RARB: variants seen among roughly 807,000 people sequenced by gnomAD.
The protein encoded by RARB is retinoic acid receptor beta.
A neutral mutation model predicts 51.9 loss-of-function variants in RARB; 17 were observed. The ratio of observed to expected loss-of-function variants is 0.33; its 90% CI spans 0.22 to 0.49. The LOEUF (loss-of-function observed/expected upper bound fraction) is 0.49. Among genes scored for constraint, RARB ranks in the 20% least tolerant of loss-of-function variants. RARB has a pLI of 0.99. For synonymous variants in RARB, 215 were observed against 195.4 expected (o/e 1.10, Z -0.84); for missense variants, 369 against 550.8 (o/e 0.67, Z 3.30).
chr3:25,057,631 A>C (rs1361877795), intron 2 of RARB, among the ~76,000 whole-genome samples: 11 of 152,006 alleles, frequency 7.2e-5, no homozygotes, highest in African/African-American at 2.7e-4. Flanking sequence ...GGATGAGAAC[A>C]GCTTCAAAGG....
intron 2 of RARB, among the ~76,000 whole-genome samples, chr3:25,059,791 G>A (rs1283348460): frequency 1.3e-5 from 2 of 151,616 alleles, no homozygotes; most frequent in Non-Finnish European, 3.0e-5. Context: ...AGGATTCTTT[G>A]TCCCCCCAAA....
chr3:25,087,243 A>G (rs1390072891), intron 3 of RARB, among the ~76,000 whole-genome samples: 2 of 152,120 alleles, frequency 1.3e-5, no homozygotes, highest in African/African-American at 4.8e-5. Flanking sequence ...TCATGGCCTG[A>G]GCTAGTGTTT....
At chr3:24,880,066 A>AT (rs757560211) in intron 2 of RARB, among the ~76,000 whole-genome samples, 1 of 151,906 alleles carries the variant, frequency 6.6e-6, no homozygotes, top group Middle Eastern at 3.4e-3. Flanking sequence ...TTTTTGATAC[A>AT]TTTTTTCCTC....
At chr3:24,996,472 A>G (rs975875498) in intron 2 of RARB, among the ~76,000 whole-genome samples, 38 of 151,082 alleles carry the variant, frequency 2.5e-4, no homozygotes, top group African/African-American at 9.2e-4. Flanking sequence ...TTCTGTTCTG[A>G]TTTTACTATT....
intron 5 of RARB, among the ~76,000 whole-genome samples, chr3:25,276,947 T>A (rs1194939964): frequency 6.6e-6 from 1 of 152,136 alleles, no homozygotes; most frequent in East Asian, 1.9e-4. Flanking sequence ...ATCTCATTGA[T>A]GAAAGTTGAG....
intron 5 of RARB, among the ~76,000 whole-genome samples, chr3:25,398,195 T>A (rs1331782095): frequency 6.6e-6 from 1 of 152,136 alleles, no homozygotes; most frequent in East Asian, 1.9e-4. Context: ...ACAGACACTT[T>A]CCCATCCCTC....
At chr3:25,415,509 G>T (rs137973254) in intron 5 of RARB, among the ~76,000 whole-genome samples, 50 of 151,828 alleles carry the variant, frequency 3.3e-4, no homozygotes, top group Non-Finnish European at 6.3e-4. Flanking sequence ...TGTTTTATTT[G>T]TATGCAATAT....
At chr3:25,405,447 C>T (rs1707380023) in intron 5 of RARB, among the ~76,000 whole-genome samples, 1 of 152,126 alleles carries the variant, frequency 6.6e-6, no homozygotes, top group Non-Finnish European at 1.5e-5. Context: ...AACATCAGGC[C>T]TTGAGTTTGG....
intron 5 of RARB, among the ~76,000 whole-genome samples, chr3:25,419,028 A>G (rs1707785045): frequency 7.0e-6 from 1 of 142,690 alleles, no homozygotes; most frequent in Non-Finnish European, 1.5e-5. Flanking sequence ...ACCCAAAGAA[A>G]TAGGTAAGCC....
chr3:25,294,389 G>A (rs550684869), intron 5 of RARB, among the ~76,000 whole-genome samples: 5 of 152,162 alleles, frequency 3.3e-5, no homozygotes, highest in Non-Finnish European at 7.3e-5. Flanking sequence ...CTACCAGTCA[G>A]CATCCAATAA....
chr3:25,055,639 T>C (rs1206083569), intron 2 of RARB, among the ~76,000 whole-genome samples: 1 of 151,964 alleles, frequency 6.6e-6, no homozygotes, highest in African/African-American at 2.4e-5. Context: ...GAAAAGTTAT[T>C]AGGAGGAATT....
At chr3:25,140,442 A>C (rs1318146410) in intron 4 of RARB, among the ~76,000 whole-genome samples, 2 of 152,196 alleles carry the variant, frequency 1.3e-5, no homozygotes, top group Non-Finnish European at 2.9e-5. Context: ...ATAGCAAGAG[A>C]GCAAGAATCA....
intron 2 of RARB, among the ~76,000 whole-genome samples, chr3:24,912,241 A>G (rs1695003983): frequency 6.6e-6 from 1 of 152,176 alleles, no homozygotes; most frequent in African/African-American, 2.4e-5. Context: ...CAGGCATACA[A>G]GGTACGAATC....
chr3:25,127,403 C>T (rs1269066690), intron 3 of RARB, among the ~76,000 whole-genome samples: 1 of 152,174 alleles, frequency 6.6e-6, no homozygotes, highest in Non-Finnish European at 1.5e-5. Flanking sequence ...AAAGCCTTTC[C>T]CATGATGCTG....
chr3:24,877,140 A>G (rs558470819), intron 2 of RARB, among the ~76,000 whole-genome samples: 1 of 152,194 alleles, frequency 6.6e-6, no homozygotes, highest in African/African-American at 2.4e-5. Flanking sequence ...TAAAAGTAAT[A>G]TATCTATATA....
intron 2 of RARB, among the ~76,000 whole-genome samples, chr3:24,879,206 G>T (rs1218383907): frequency 6.6e-6 from 1 of 151,150 alleles, no homozygotes; most frequent in African/African-American, 2.4e-5. Flanking sequence ...GCGGCCGGCG[G>T]ATCACGAGGT....
chr3:25,561,713 C>G lies in RARB; in HGVS notation c.449-8045C>G, dbSNP rs935087092. Among the ~76,000 whole-genome samples, 4 of 152,066 alleles carry G rather than the reference C, an allele frequency of 2.6e-5. No individual in the cohort carries two copies. In the South Asian group the frequency reaches 8.3e-4, roughly 32 times the overall value. On this transcript the variant is annotated intron_variant, in intron 3 of 7. Coordinates refer to ENST00000330688, the MANE Select transcript of RARB (RefSeq NM_000965.5). ...GGAAATGTATGATGAAAATGTCAAG[C>G]AGAACTTCAGTTCATTTGCTAAAAA...
intron 2 of RARB, among the ~76,000 whole-genome samples, chr3:24,931,741 A>G (rs987369720): frequency 2.0e-5 from 3 of 152,086 alleles, no homozygotes; most frequent in African/African-American, 7.2e-5. Flanking sequence ...AGTCTATGAT[A>G]TGAATGGTGT....
chr3:25,203,760 C>A (rs971224802), intron 5 of RARB, among the ~76,000 whole-genome samples: 7 of 152,116 alleles, frequency 4.6e-5, no homozygotes, highest in Non-Finnish European at 1.0e-4. Context: ...AATATTGGCC[C>A]CCACTCTCTT....
Sources: allele counts gnomAD v4.1 joint callset (sites outside exome capture counted in the v4.1 genomes callset), GRCh38; gene constraint gnomAD v4.1.1; transcripts MANE v1.5; gene names NCBI Gene and HGNC (gene_info 2026-07-23, HGNC 2026-07-21).